Variants in PCDHGB1 observed in about 807,000 individuals in gnomAD.
PCDHGB1 encodes protocadherin gamma-B1.
Under a neutral mutation model 56.6 loss-of-function variants are expected in PCDHGB1, and 34 were observed. That is an observed-to-expected ratio of 0.60 (90% CI 0.46 to 0.80). The LOEUF (loss-of-function observed/expected upper bound fraction) is 0.80. Ranked by LOEUF, PCDHGB1 falls within the 30% of genes least tolerant of loss-of-function variation. The pLI is 0.00. For synonymous variants in PCDHGB1, 561 were observed against 505.9 expected (o/e 1.11, Z -1.46); for missense variants, 1,278 against 1,204.6 (o/e 1.06, Z -0.90).
rs781695042 is a variant in PCDHGB1, at chr5:141,394,424, C to T, written c.2409+41755C>T. 6.2e-6 allele frequency: 10 copies of T among 1,614,104 alleles called. No individual in the cohort carries two copies. The African/African-American group carries it at 8.0e-5, about 13-fold the overall frequency. On this transcript the variant is annotated intron_variant, in intron 1 of 3. Transcript: ENST00000523390. The stretch of plus-strand genomic sequence containing the variant: ...AGCTACTGGTAACAGCCAGCGACAG[C>T]GGGGACCCGCCCCTCAGCAGCAACA...
At chr5:141,462,980 G>T (rs1249102130) in intron 1 of PCDHGB1, among the ~76,000 whole-genome samples, 1 of 152,006 alleles carries the variant, frequency 6.6e-6, no homozygotes, top group Non-Finnish European at 1.5e-5. Flanking sequence ...AGTAACTTTT[G>T]CCTTGGGCTA....
chr5:141,476,306 C>T lies in PCDHGB1; in HGVS notation c.2410-18501C>T, dbSNP rs1011265476. The T allele has an allele frequency of 1.2e-6, 2 of 1,613,464 alleles. No homozygotes were observed. Among genetic ancestry groups the T allele is most frequent in the African/African-American group, 2.7e-5 (2 of 74,688 alleles). On this transcript the variant is annotated intron_variant, in intron 1 of 3. Transcript: ENST00000523390. The surrounding 1 kb of genome is among the most constrained non-coding windows in gnomAD (Gnocchi z 7.6). ...TTTGGATCTCGGTAGCCTCTCAGCCCGCAGGTTCCGGGTGGTGTCTGGAGC... is the reference window on the plus strand; with the variant it reads ...TTTGGATCTCGGTAGCCTCTCAGCCTGCAGGTTCCGGGTGGTGTCTGGAGC...
In PCDHGB1 at chr5:141,418,521, C is replaced by G. The variant is rs1246716171; in HGVS notation, c.2409+65852C>G. The G allele has an allele frequency of 3.7e-6, 6 of 1,613,840 alleles. No individual in the cohort carries two copies. The Admixed American group carries it at 1.0e-4, about 27-fold the overall frequency. On this transcript the variant is annotated intron_variant, in intron 1 of 3. Coordinates refer to ENST00000523390, the MANE Select transcript of PCDHGB1 (RefSeq NM_018922.3). ...ACCGCCTTAGATGGTGGGGACCCTC[C>G]CCGAAGCGGTACTGCTCAGATAAGA...
Position 141,487,686 on chromosome 5 carries a change from T to G in PCDHGB1, c.2410-7121T>G, listed in dbSNP as rs778973495. The G allele has an allele frequency of 4.4e-6, 7 of 1,605,914 alleles. 1 individual carries two copies. The African/African-American group carries it at 9.4e-5, about 21-fold the overall frequency. On this transcript the variant is annotated intron_variant, in intron 1 of 3. Coordinates refer to ENST00000523390, the MANE Select transcript of PCDHGB1 (RefSeq NM_018922.3). The surrounding 1 kb of genome is among the most constrained non-coding windows in gnomAD (Gnocchi z 5.0). Reference sequence around the variant, plus strand: ...CCAGGCATATGGCTAGGCCATGTCCTAGAGAGTACTGGCCTCTCAGTAAGT... The same window carrying G: ...CCAGGCATATGGCTAGGCCATGTCCGAGAGAGTACTGGCCTCTCAGTAAGT...
chr5:141,425,490 G>T (rs2096878933), intron 1 of PCDHGB1, among the ~76,000 whole-genome samples: 1 of 152,122 alleles, frequency 6.6e-6, no homozygotes, highest in Non-Finnish European at 1.5e-5. Context: ...AACCTACTAG[G>T]CTATACCTTT....
intron 1 of PCDHGB1, chr5:141,428,860 CT>C (rs34152666): frequency 0.3 from 42,955 of 145,250 alleles, 7,185 homozygotes; most frequent in African/African-American, 0.5. Flanking sequence ...TTACGGGAGA[CT>C]TTTTTTTTTT....
chr5:141,366,418 A>G (rs371439517), intron 1 of PCDHGB1: 439 of 1,613,988 alleles, frequency 2.7e-4, no homozygotes, highest in East Asian at 7.4e-4. Context: ...TTGTGGTGGC[A>G]GTGGCTGCAG....
At chr5:141,388,513 T>A in intron 1 of PCDHGB1, 2 of 1,613,840 alleles carry the variant, frequency 1.2e-6, no homozygotes, top group Non-Finnish European at 1.7e-6. Context: ...TCCTACCACT[T>A]GACTTTGACT....
chr5:141,426,642 G>T, intron 1 of PCDHGB1: 1 of 411,420 alleles, frequency 2.4e-6, no homozygotes, highest in South Asian at 1.7e-5. Context: ...TCACATAAAT[G>T]TGATGATAGA....
chr5:141,419,729 G>T (rs1436631336), intron 1 of PCDHGB1: 1 of 1,613,758 alleles, frequency 6.2e-7, no homozygotes, highest in Admixed American at 1.7e-5. Context: ...GCTGCGAACA[G>T]GCGAGGTGCG....
chr5:141,465,501 C>T (rs1044567555), intron 1 of PCDHGB1, among the ~76,000 whole-genome samples: 1 of 152,164 alleles, frequency 6.6e-6, no homozygotes, highest in Non-Finnish European at 1.5e-5. Context: ...GGAGCATTGT[C>T]GTGGTCAGGA....
chr5:141,371,367 G>A (rs778491308), intron 1 of PCDHGB1: 3 of 1,613,892 alleles, frequency 1.9e-6, no homozygotes, highest in Non-Finnish European at 1.7e-6. Flanking sequence ...AAAGGATGGT[G>A]GACATCACAC....
Position 141,425,635 on chromosome 5 carries a change from T to C in PCDHGB1, c.2410-69172T>C, listed in dbSNP as rs376675545. On this transcript the variant is annotated intron_variant, in intron 1 of 3. Coordinates refer to ENST00000523390, the MANE Select transcript of PCDHGB1 (RefSeq NM_018922.3). ...TCAGTGCTCCTCCAGTTTTCTCTGA[T>C]AAAACTAGGAGGAAAATTATCTGCA... Among the ~76,000 whole-genome samples, 51 of 152,354 alleles carry C rather than the reference T, an allele frequency of 3.3e-4. 1 individual carries two copies. The South Asian group carries it at 0.01, about 30-fold the overall frequency.
At chr5:141,496,479 CAACCAACCA>C (rs1199646129) in intron 2 of PCDHGB1, among the ~76,000 whole-genome samples, 1 of 152,180 alleles carries the variant, frequency 6.6e-6, no homozygotes, top group Non-Finnish European at 1.5e-5. Context: ...CCCCATCCTG[CAACCAACCA>C]AACCCTTGTT....
chr5:141,400,727 G>A (rs2094067426), intron 1 of PCDHGB1: 2 of 649,836 alleles, frequency 3.1e-6, no homozygotes, highest in African/African-American at 1.8e-5. Flanking sequence ...GATTTACAAA[G>A]TAGTGAGAGT....
At chr5:141,419,306 C>T in intron 1 of PCDHGB1, 1 of 1,614,032 alleles carries the variant, frequency 6.2e-7, no homozygotes, top group Non-Finnish European at 8.5e-7. Context: ...AGACTTCGGG[C>T]TCAACGGCCG....
intron 1 of PCDHGB1, chr5:141,403,191 G>A (rs368387997): frequency 1.1e-5 from 18 of 1,613,876 alleles, no homozygotes; most frequent in Non-Finnish European, 1.4e-5. Context: ...CTGAACCCGC[G>A]CAGCGGCACC....
chr5:141,472,071 A>T (rs1243864250), intron 1 of PCDHGB1, among the ~76,000 whole-genome samples: 5 of 152,200 alleles, frequency 3.3e-5, no homozygotes, highest in South Asian at 2.1e-4. Context: ...GTCTGTGGTT[A>T]TATCAATGAG....
rs1759076682 is a variant in PCDHGB1, at chr5:141,352,676, T to A, written c.2409+7T>A. The A allele has an allele frequency of 1.3e-6, 2 of 1,573,452 alleles. No individual in the cohort carries two copies. The highest frequency in any genetic ancestry group is 1.7e-6 in the Non-Finnish European group (2 of 1,158,556). Reference sequence around the variant, plus strand: ...CCCTTCTTTGTCTTCGCACGTGAGTTTCTGCAAATCTAGTTAAATTTTATA... The same window carrying A: ...CCCTTCTTTGTCTTCGCACGTGAGTATCTGCAAATCTAGTTAAATTTTATA... On this transcript the variant is annotated splice_region_variant and intron_variant, in intron 1 of 3. Transcript: ENST00000523390.
Sources: allele counts gnomAD v4.1 joint callset (sites outside exome capture counted in the v4.1 genomes callset), GRCh38; gene constraint gnomAD v4.1.1; non-coding constraint Gnocchi (gnomAD v3.1); transcripts MANE v1.5; gene names NCBI Gene and HGNC (gene_info 2026-07-23, HGNC 2026-07-21).